Variants in RAPGEF2 observed in about 807,000 individuals in gnomAD.
RAPGEF2 encodes the protein PDZ domain containing guanine nucleotide exchange factor (GEF) 1.
Under a neutral mutation model 186.7 loss-of-function variants are expected in RAPGEF2, and 54 were observed. The observed-to-expected ratio is 0.29, with a 90% CI of 0.23 to 0.36. The LOEUF is 0.36. Ranked by LOEUF, RAPGEF2 falls within the 10% of genes least tolerant of loss-of-function variation. RAPGEF2 has a pLI of 1.00. For synonymous variants in RAPGEF2, 712 were observed against 705.9 expected, an observed-to-expected ratio of 1.01 and a Z score of -0.14; for missense variants, 1,532 against 2,045.0, an observed-to-expected ratio of 0.75 and a Z score of 4.84.
intron 1 of RAPGEF2, among the ~76,000 whole-genome samples, chr4:159,173,756 T>C (rs1418519263): frequency 6.6e-6 from 1 of 152,200 alleles, no homozygotes; most frequent in Admixed American, 6.5e-5. Flanking sequence ...CGCAGCTGAT[T>C]TCTGTTTTTG....
In RAPGEF2 at chr4:159,104,510, GAGAGAGAGAGAGAGAGGGAGAGAC is replaced by G. The variant is rs1486103671; in HGVS notation, c.69+296_69+319del. ...CAGCCGAGAGAGAGAGAGAGAGAGA[GAGAGAGAGAGAGAGAGGGAGAGAC>G]AGAGAGAGAGAGAGAGAGAGTGTGT... On this transcript the variant is annotated intron_variant, in intron 1 of 29. Transcript: ENST00000691494. Among the ~76,000 whole-genome samples the G allele has an allele frequency of 3.8e-4, 49 of 129,748 alleles. 2 individuals are homozygous for G. The highest frequency in any genetic ancestry group is 5.2e-4 in the Non-Finnish European group (33 of 62,962). The allele number at this position is 129,748 out of a possible 152,430, so 85.1% of individuals were successfully genotyped here. A position where few individuals can be genotyped will look rare whatever the true frequency, so the allele number is the denominator to read the frequency against.
chr4:159,173,257 T>C (rs1432622119), intron 1 of RAPGEF2, among the ~76,000 whole-genome samples: 1 of 152,216 alleles, frequency 6.6e-6, no homozygotes, highest in Non-Finnish European at 1.5e-5. Flanking sequence ...CAAAGAGTAC[T>C]TCTTTTTTGC....
chr4:159,119,707 G>A (rs2111090621), intron 1 of RAPGEF2, among the ~76,000 whole-genome samples: 1 of 152,086 alleles, frequency 6.6e-6, no homozygotes, highest in African/African-American at 2.4e-5. Context: ...TTACAAATAG[G>A]GATAAAAATA....
intron 1 of RAPGEF2, among the ~76,000 whole-genome samples, chr4:159,104,707 C>T (rs757673090): frequency 6.6e-6 from 1 of 152,146 alleles, no homozygotes; most frequent in African/African-American, 2.4e-5. Context: ...TCCGTTCCTC[C>T]CCTTGCAAGT....
chr4:159,303,566 G>C (rs1762933921), intron 7 of RAPGEF2, among the ~76,000 whole-genome samples: 2 of 151,468 alleles, frequency 1.3e-5, no homozygotes, highest in Admixed American at 1.3e-4. Flanking sequence ...CCTTACATCT[G>C]TTTTCTTAGA....
At chr4:159,202,643 C>A (rs1280231412) in intron 3 of RAPGEF2, among the ~76,000 whole-genome samples, 1 of 152,118 alleles carries the variant, frequency 6.6e-6, no homozygotes, top group Non-Finnish European at 1.5e-5. Flanking sequence ...CTCTTGTTGC[C>A]CAGGCTGGAG....
chr4:159,330,642 A>G (rs1766562679), intron 13 of RAPGEF2, 144 bp downstream of exon 13: 1 of 617,450 alleles, frequency 1.6e-6, no homozygotes, highest in Admixed American at 4.0e-5. Context: ...AAAACAAAAA[A>G]ACAAAAAAAA....
At chr4:159,350,494 G>A (rs1340296639) in intron 26 of RAPGEF2, among the ~76,000 whole-genome samples, 3 of 151,868 alleles carry the variant, frequency 2.0e-5, no homozygotes, top group Non-Finnish European at 2.9e-5. Context: ...ACAATAAATA[G>A]TATTAAATTT....
chr4:159,189,763 A>C (rs1198627067), intron 2 of RAPGEF2, among the ~76,000 whole-genome samples: 1 of 151,922 alleles, frequency 6.6e-6, no homozygotes, highest in Non-Finnish European at 1.5e-5. Context: ...TCCTCCATTT[A>C]TGACATTTTC....
chr4:159,180,381 A>T (rs1308454699), intron 1 of RAPGEF2, among the ~76,000 whole-genome samples: 1 of 152,110 alleles, frequency 6.6e-6, no homozygotes, highest in Non-Finnish European at 1.5e-5. Flanking sequence ...TCAAGTTCAT[A>T]TTACGTAGTG....
chr4:159,264,168 A>T (rs994691718), intron 7 of RAPGEF2, among the ~76,000 whole-genome samples: 14 of 152,330 alleles, frequency 9.2e-5, no homozygotes, highest in African/African-American at 3.4e-4. Context: ...ATAACCTGCC[A>T]TAATTGTGTT....
At chr4:159,223,082 T>C (rs1751690562) in intron 4 of RAPGEF2, among the ~76,000 whole-genome samples, 2 of 152,154 alleles carry the variant, frequency 1.3e-5, no homozygotes, top group African/African-American at 4.8e-5. Context: ...TTTATATTAT[T>C]GCTTTTTTAA....
chr4:159,113,100 G>A (rs9307984), intron 1 of RAPGEF2, among the ~76,000 whole-genome samples: 8 of 152,142 alleles, frequency 5.3e-5, no homozygotes, highest in African/African-American at 1.9e-4. Flanking sequence ...AGTATTGAGG[G>A]TGTGGAAGAT....
chr4:159,306,263 A>G (rs924690915), intron 8 of RAPGEF2, among the ~76,000 whole-genome samples: 1 of 152,094 alleles, frequency 6.6e-6, no homozygotes, highest in Non-Finnish European at 1.5e-5. Flanking sequence ...ATCCATGAGC[A>G]TGGGATGTTT....
chr4:159,354,505 A>G (rs1362574634), intron 28 of RAPGEF2, among the ~76,000 whole-genome samples: 2 of 152,232 alleles, frequency 1.3e-5, no homozygotes, highest in Non-Finnish European at 2.9e-5. Flanking sequence ...TTCTGCACGC[A>G]CATTGTTGAT....
intron 2 of RAPGEF2, among the ~76,000 whole-genome samples, chr4:159,189,539 A>G (rs1194490608): frequency 1.3e-5 from 2 of 152,216 alleles, no homozygotes; most frequent in Admixed American, 1.3e-4. Flanking sequence ...GGGGCTATTC[A>G]GTTTTGGAAA....
At chr4:159,225,597 A>G (rs965138069) in intron 4 of RAPGEF2, among the ~76,000 whole-genome samples, 1 of 152,182 alleles carries the variant, frequency 6.6e-6, no homozygotes, top group African/African-American at 2.4e-5. Flanking sequence ...TTTTTTATTC[A>G]CACTAGCAGT....
At chr4:159,258,344 C>T (rs1457939016) in intron 7 of RAPGEF2, among the ~76,000 whole-genome samples, 1 of 152,040 alleles carries the variant, frequency 6.6e-6, no homozygotes, top group African/African-American at 2.4e-5. Context: ...TGACTTTTTT[C>T]TCAAGAAAAT....
At chr4:159,297,970 C>T (rs980023936) in intron 7 of RAPGEF2, among the ~76,000 whole-genome samples, 1 of 152,178 alleles carries the variant, frequency 6.6e-6, no homozygotes, top group African/African-American at 2.4e-5. Context: ...GAAGATTAAT[C>T]CGTATATGGC....
Sources: gnomAD v4.1 joint callset for allele counts (sites outside exome capture counted in the v4.1 genomes callset) on GRCh38, gnomAD v4.1.1 for gene constraint, MANE v1.5 for transcripts, NCBI Gene and HGNC (gene_info 2026-07-23, HGNC 2026-07-21) for gene names.